Variants in COL4A6 observed in about 807,000 individuals in gnomAD.
The protein encoded by COL4A6 is collagen type IV alpha 6 chain.
COL4A6 carries 59 observed loss-of-function variants against 126.7 expected under a neutral mutation model. That is an observed-to-expected ratio of 0.47 (90% CI 0.38 to 0.58). COL4A6 has a LOEUF of 0.58. Among genes scored for constraint, COL4A6 ranks in the 20% least tolerant of loss-of-function variants. The pLI, the probability that COL4A6 is intolerant of heterozygous loss-of-function variation, is 0.00. For synonymous variants in COL4A6, 547 were observed against 496.6 expected (o/e 1.10, Z -1.35); for missense variants, 1,285 against 1,337.3 (o/e 0.96, Z 0.61).
chrX:108,225,967 A>G (rs1421824054), intron 3 of COL4A6, among the ~76,000 whole-genome samples: 1 of 112,418 alleles, frequency 8.9e-6, no homozygotes, highest in Non-Finnish European at 1.9e-5. Flanking sequence ...AAGCTAGGGG[A>G]TGCAAATGGT....
At chrX:108,325,248 T>A (rs571207111) in intron 2 of COL4A6, among the ~76,000 whole-genome samples, 1 of 112,362 alleles carries the variant, frequency 8.9e-6, no homozygotes, top group South Asian at 3.7e-4. Context: ...TCCAGTATTT[T>A]TGTCTCTAAT....
At chrX:108,309,253 G>T (rs1007436917) in intron 3 of COL4A6, among the ~76,000 whole-genome samples, 1 of 110,009 alleles carries the variant, frequency 9.1e-6, no homozygotes, top group Non-Finnish European at 1.9e-5. Flanking sequence ...AGAGGTGAGG[G>T]CATGGGTCTT....
chrX:108,169,379 G>A (rs1024984961), intron 37 of COL4A6, 116 bp downstream of exon 37: 33 of 956,430 alleles, frequency 3.5e-5, no homozygotes, highest in Middle Eastern at 2.8e-4. Context: ...GAGACTCCCA[G>A]AGATGTGAAG....
chrX:108,297,245 A>C, intron 3 of COL4A6, among the ~76,000 whole-genome samples: 1 of 112,327 alleles, frequency 8.9e-6, no homozygotes, highest in Admixed American at 9.4e-5. Flanking sequence ...CACTATGTTA[A>C]TTGCTTTAAA....
At chrX:108,286,971 A>G (rs997155436) in intron 3 of COL4A6, among the ~76,000 whole-genome samples, 2 of 111,437 alleles carry the variant, frequency 1.8e-5, no homozygotes, top group Non-Finnish European at 1.9e-5. Context: ...TAGAGCAGCC[A>G]TTTTGGACCC....
chrX:108,177,046 T>G, intron 27 of COL4A6, 35 bp from the exon 28 acceptor site: 1 of 1,173,004 alleles, frequency 8.5e-7, no homozygotes, highest in Non-Finnish European at 1.2e-6. Context: ...AGGACAGCTG[T>G]CAAGTGAGGC....
chrX:108,202,866 A>T, intron 13 of COL4A6, 62 bp downstream of exon 13: 2 of 971,825 alleles, frequency 2.1e-6, no homozygotes, highest in South Asian at 4.0e-5. Context: ...TTAGCCTTCT[A>T]TTGCTACAGC....
chrX:108,192,914 G>A (rs1021902560), intron 17 of COL4A6, among the ~76,000 whole-genome samples: 1 of 112,391 alleles, frequency 8.9e-6, no homozygotes, highest in Non-Finnish European at 1.9e-5. Context: ...CACTATTTAC[G>A]TTATACATAT....
At chrX:108,435,461 A>G (rs1360292821) in intron 2 of COL4A6, among the ~76,000 whole-genome samples, 1 of 112,054 alleles carries the variant, frequency 8.9e-6, no homozygotes, top group Non-Finnish European at 1.9e-5. Context: ...GCAAATTCCT[A>G]GAGAGTTAGG....
chrX:108,424,387 G>T (rs897176125), intron 2 of COL4A6, among the ~76,000 whole-genome samples: 3 of 112,197 alleles, frequency 2.7e-5, no homozygotes, highest in Non-Finnish European at 5.6e-5. Context: ...AAATATATTT[G>T]TGTATTTACT....
intron 17 of COL4A6, among the ~76,000 whole-genome samples, chrX:108,193,404 G>T (rs1022207845): frequency 9.0e-6 from 1 of 111,131 alleles, no homozygotes; most frequent in Non-Finnish European, 1.9e-5. Flanking sequence ...CCAAATCCTA[G>T]GCTTAGTGGA....
chrX:108,327,640 G>A (rs1050419423), intron 2 of COL4A6, among the ~76,000 whole-genome samples: 3 of 110,182 alleles, frequency 2.7e-5, no homozygotes, highest in African/African-American at 9.9e-5. Context: ...GTCCAAGGAT[G>A]GGGGGTGGCA....
At chrX:108,414,855 CA>C (rs2041405145) in intron 2 of COL4A6, among the ~76,000 whole-genome samples, 1 of 111,167 alleles carries the variant, frequency 9.0e-6, no homozygotes, top group Admixed American at 9.6e-5. Flanking sequence ...CTGGTGAAAA[CA>C]AAACATGTCT....
chrX:108,164,478 T>G, intron 40 of COL4A6, 122 bp downstream of exon 40: 1 of 652,172 alleles, frequency 1.5e-6, no homozygotes, highest in Non-Finnish European at 2.4e-6. Context: ...TGGGGTACCT[T>G]GATCCAGCTG....
intron 2 of COL4A6, among the ~76,000 whole-genome samples, chrX:108,369,266 C>T (rs2040271504): frequency 9.0e-6 from 1 of 111,421 alleles, no homozygotes; most frequent in South Asian, 3.8e-4. Flanking sequence ...ACATGTGGTT[C>T]ACTGTTGACC....
chrX:108,418,787 C>CT (rs1387895441), intron 2 of COL4A6, among the ~76,000 whole-genome samples: 1 of 112,025 alleles, frequency 8.9e-6, no homozygotes, highest in African/African-American at 3.2e-5. Flanking sequence ...GACAAGTCTT[C>CT]TTTTTCTTAA....
intron 3 of COL4A6, among the ~76,000 whole-genome samples, chrX:108,303,775 C>T (rs1158537844): frequency 2.7e-5 from 3 of 111,537 alleles, no homozygotes; most frequent in African/African-American, 9.8e-5. Context: ...CCTGCAGAAG[C>T]ACAATTTCAG....
chrX:108,393,601 G>T, intron 2 of COL4A6, among the ~76,000 whole-genome samples: 1 of 112,016 alleles, frequency 8.9e-6, no homozygotes, highest in East Asian at 2.8e-4. Context: ...AAAAACCATT[G>T]AACTATACAC....
At position 108,438,299 on chromosome X, in the gene COL4A6, A is replaced by G; in HGVS notation, c.-103T>C. On this transcript the variant is annotated 5_prime_UTR_variant, in exon 1 of 45. Coordinates refer to ENST00000334504, the MANE Select transcript of COL4A6 (RefSeq NM_033641.4). ...ATGCTTGGAGGCTGTTTCCTTACTC[A>G]GAACAGAGTAGGTGGACGAAGTGGC... 1 of 1,112,457 alleles carries G rather than the reference A, an allele frequency of 9.0e-7. No homozygotes were observed. Among genetic ancestry groups the G allele is most frequent in the Non-Finnish European group, 1.2e-6 (1 of 848,875 alleles). The allele number at this position is 1,112,457 out of a possible 1,213,427, so 91.7% of individuals were successfully genotyped here.
Sources: gnomAD v4.1 joint callset for allele counts (sites outside exome capture counted in the v4.1 genomes callset) on GRCh38, gnomAD v4.1.1 for gene constraint, MANE v1.5 for transcripts, NCBI Gene and HGNC (gene_info 2026-07-23, HGNC 2026-07-21) for gene names.